Variants in LIMA1 observed in about 807,000 individuals in gnomAD.
LIMA1 encodes the protein LIM domain and actin-binding protein 1.
Under a neutral mutation model 62.6 loss-of-function variants are expected in LIMA1, and 52 were observed. That is an observed-to-expected ratio of 0.83 (90% CI 0.67 to 1.05). The LOEUF is 1.05. Ranked by LOEUF, LIMA1 falls within the 50% of genes least tolerant of loss-of-function variation. The pLI is 0.00. For missense variants in LIMA1, 780 were observed against 902.2 expected (o/e 0.86, Z 1.74); for synonymous variants, 302 against 317.8 (o/e 0.95, Z 0.53).
chr12:50,215,557 CCT>C lies in LIMA1; in HGVS notation c.630+6462_630+6463del, dbSNP rs1028381009. 1.1e-3 allele frequency among the ~76,000 whole-genome samples: 172 copies of C among 152,254 alleles called. 1 individual carries two copies. The highest frequency in any genetic ancestry group is 3.8e-3 in the African/African-American group (156 of 41,566). ...CAATCTCGGCTCACTGCAAGCTCCGCCTCCCGGGTTCACGCCATTCTCCTGCC... is the reference window on the plus strand; with the variant it reads ...CAATCTCGGCTCACTGCAAGCTCCGCCCCGGGTTCACGCCATTCTCCTGCC... On this transcript the variant is annotated intron_variant, in intron 4 of 10. Transcript: ENST00000341247.
chr12:50,177,648 C>T lies in LIMA1; in HGVS notation c.1696G>A (p.Glu566Lys), dbSNP rs756628778. The stretch of plus-strand genomic sequence containing the variant: ...TCTAGATCGACATCCTCAGGAACTT[C>T]GGGCTTGCTGATTTCGTCTTCAGGA... ...WPPEDEISKP[E>K]VPEDVDLDLK... Residue 566 changes from glutamate (E) to lysine (K), a missense_variant, in exon 11 of 11, where the codon GAA becomes AAA. Physicochemically the swap from Glu to Lys is moderately conservative, Grantham distance 56 (BLOSUM62 1). Coordinates refer to ENST00000341247, the MANE Select transcript of LIMA1 (RefSeq NM_016357.5). The T allele has an allele frequency of 8.1e-6, 13 of 1,607,270 alleles. No individual in the cohort carries two copies. Among genetic ancestry groups the T allele is most frequent in the East Asian group, 4.5e-5 (2 of 44,804 alleles).
At chr12:50,212,275 T>TTA (rs1941271172) in intron 4 of LIMA1, among the ~76,000 whole-genome samples, 1 of 152,024 alleles carries the variant, frequency 6.6e-6, no homozygotes, top group South Asian at 2.1e-4. Flanking sequence ...CCTGCCTCAC[T>TTA]TAGCCACTTC....
chr12:50,195,167 C>T (rs1364983600), intron 8 of LIMA1, among the ~76,000 whole-genome samples: 1 of 151,962 alleles, frequency 6.6e-6, no homozygotes, highest in East Asian at 1.9e-4. Context: ...CACACCACTG[C>T]ACTCCAGCCT....
At chr12:50,189,508 A>T (rs550043866) in intron 9 of LIMA1, 20 of 152,344 alleles carry the variant, frequency 1.3e-4, no homozygotes, top group African/African-American at 4.6e-4. Flanking sequence ...TACTTAAAAG[A>T]GCACTAGAGG....
intron 4 of LIMA1, among the ~76,000 whole-genome samples, chr12:50,220,930 C>T (rs558348480): frequency 6.6e-6 from 1 of 152,188 alleles, no homozygotes; most frequent in Admixed American, 6.5e-5. Context: ...GTCAAAAACT[C>T]GCACAACTTC....
intron 3 of LIMA1, among the ~76,000 whole-genome samples, chr12:50,224,087 G>A (rs1046439275): frequency 6.6e-6 from 1 of 151,686 alleles, no homozygotes; most frequent in Non-Finnish European, 1.5e-5. Flanking sequence ...TACTTTGAAA[G>A]GACTGTACTC....
At chr12:50,224,813 G>GTT (rs1941501264) in intron 3 of LIMA1, among the ~76,000 whole-genome samples, 1 of 151,108 alleles carries the variant, frequency 6.6e-6, no homozygotes, top group Non-Finnish European at 1.5e-5. Flanking sequence ...CACTGCAGCT[G>GTT]TTTGACTTCC....
At chr12:50,186,092 A>G (rs558484739) in intron 9 of LIMA1, 2 of 152,528 alleles carry the variant, frequency 1.3e-5, no homozygotes, top group African/African-American at 4.8e-5. Flanking sequence ...CCCCATGTCT[A>G]TTCAGACAAC....
chr12:50,253,354 T>A (rs188573929), intron 1 of LIMA1, among the ~76,000 whole-genome samples: 1 of 152,356 alleles, frequency 6.6e-6, no homozygotes, highest in East Asian at 1.9e-4. Flanking sequence ...TTTTATTGTC[T>A]TATATTTATG....
At chr12:50,261,674 AT>A (rs1003765467) in intron 1 of LIMA1, among the ~76,000 whole-genome samples, 5 of 151,500 alleles carry the variant, frequency 3.3e-5, no homozygotes, top group Non-Finnish European at 7.4e-5. Flanking sequence ...TCAGATGGTA[AT>A]TTTTTTTCTG....
intron 1 of LIMA1, among the ~76,000 whole-genome samples, chr12:50,272,061 T>C (rs530519025): frequency 1.7e-4 from 26 of 152,304 alleles, no homozygotes; most frequent in African/African-American, 6.3e-4. Context: ...CCTTAATAAC[T>C]AATCAAGTTT....
chr12:50,240,043 T>TAACA (rs1357027021), intron 2 of LIMA1, among the ~76,000 whole-genome samples: 5 of 149,676 alleles, frequency 3.3e-5, no homozygotes, highest in African/African-American at 1.2e-4. Flanking sequence ...TAACATAACA[T>TAACA]AACATAACAT....
chr12:50,282,870 C>G lies in LIMA1; in HGVS notation c.-24+550G>C, dbSNP rs12308939. Among the ~76,000 whole-genome samples, 297 of 152,208 alleles carry G rather than the reference C, an allele frequency of 2.0e-3. 1 individual carries two copies. The highest frequency in any genetic ancestry group is 6.5e-3 in the African/African-American group (268 of 41,518). On this transcript the variant is annotated intron_variant, in intron 1 of 10. Transcript: ENST00000341247. ...ACCTTACATTAACACCAACATATGT[C>G]GGGGGCAAGTGCCAGCGATATATAC...
At chr12:50,234,469 A>C (rs1370190830) in intron 2 of LIMA1, among the ~76,000 whole-genome samples, 1 of 152,024 alleles carries the variant, frequency 6.6e-6, no homozygotes, top group Non-Finnish European at 1.5e-5. Flanking sequence ...TTGGTCTCTC[A>C]AACTGCTGAG....
chr12:50,191,559 C>T (rs1940772099), intron 9 of LIMA1, among the ~76,000 whole-genome samples: 1 of 149,578 alleles, frequency 6.7e-6, no homozygotes, highest in Non-Finnish European at 1.5e-5. Context: ...CAGTGGTTCA[C>T]GCCTGTAATC....
chr12:50,232,201 G>C (rs894359606), intron 2 of LIMA1, among the ~76,000 whole-genome samples: 3 of 151,114 alleles, frequency 2.0e-5, no homozygotes, highest in Admixed American at 6.6e-5. Context: ...CTGGGACTAT[G>C]TAAGTGCACA....
chr12:50,224,013 G>A (rs773290578), intron 3 of LIMA1, among the ~76,000 whole-genome samples: 7 of 152,076 alleles, frequency 4.6e-5, no homozygotes, highest in Non-Finnish European at 8.8e-5. Flanking sequence ...ACTCCAGTCC[G>A]GGTGACAGAG....
At chr12:50,188,575 C>T (rs965883823) in intron 9 of LIMA1, 1 of 152,136 alleles carries the variant, frequency 6.6e-6, no homozygotes, top group African/African-American at 2.4e-5. Flanking sequence ...CAGATAGGGC[C>T]GTCTACTACT....
intron 4 of LIMA1, among the ~76,000 whole-genome samples, chr12:50,212,727 G>C (rs1941279448): frequency 6.6e-6 from 1 of 152,168 alleles, no homozygotes; most frequent in Non-Finnish European, 1.5e-5. Context: ...TTATAATCTT[G>C]AGAACAAGCT....
Sources: allele counts gnomAD v4.1 joint callset (sites outside exome capture counted in the v4.1 genomes callset), GRCh38; gene constraint gnomAD v4.1.1; transcripts MANE v1.5; gene names NCBI Gene and HGNC (gene_info 2026-07-23, HGNC 2026-07-21).